Variants in CNBD1 observed in about 807,000 individuals in gnomAD.
CNBD1 encodes cyclic nucleotide-binding domain-containing protein 1.
In CNBD1, 71 loss-of-function variants were observed where a neutral mutation model predicts 54.4. The observed-to-expected ratio is 1.30, with a 90% CI of 1.08 to 1.59. The LOEUF (loss-of-function observed/expected upper bound fraction) is 1.59. CNBD1 is among the 40% of genes most tolerant of loss of function. The pLI, the probability that CNBD1 is intolerant of heterozygous loss-of-function variation, is 0.00. For missense variants in CNBD1, 659 were observed against 518.0 expected, an observed-to-expected ratio of 1.27 and a Z score of -2.64; for synonymous variants, 182 against 170.7, an observed-to-expected ratio of 1.07 and a Z score of -0.51.
intron 4 of CNBD1, among the ~76,000 whole-genome samples, chr8:87,116,546 C>G (rs2130710262): frequency 6.6e-6 from 1 of 152,022 alleles, no homozygotes; most frequent in East Asian, 1.9e-4. Flanking sequence ...TTTAAGTTAC[C>G]AGAGTTATGT....
chr8:87,129,508 T>C (rs986642294), intron 4 of CNBD1, among the ~76,000 whole-genome samples: 6 of 152,214 alleles, frequency 3.9e-5, no homozygotes, highest in Non-Finnish European at 7.3e-5. Flanking sequence ...GAGAGGTTTA[T>C]TTGTTGGTCT....
chr8:87,170,810 A>G (rs1174837625), intron 4 of CNBD1, among the ~76,000 whole-genome samples: 1 of 152,196 alleles, frequency 6.6e-6, no homozygotes, highest in African/African-American at 2.4e-5. Flanking sequence ...ATGATATATT[A>G]CATTGATTTA....
chr8:87,345,266 G>A (rs928834724), intron 8 of CNBD1, among the ~76,000 whole-genome samples: 3 of 152,184 alleles, frequency 2.0e-5, no homozygotes, highest in Non-Finnish European at 2.9e-5. Flanking sequence ...TAGAAAAACT[G>A]AAGGGTTATA....
chr8:87,224,194 C>T (rs1814419763), intron 5 of CNBD1, among the ~76,000 whole-genome samples: 2 of 151,738 alleles, frequency 1.3e-5, no homozygotes, highest in Non-Finnish European at 2.9e-5. Flanking sequence ...TTGTAGGTTG[C>T]CTGTTCACTC....
At chr8:87,068,232 T>A (rs926760490) in intron 4 of CNBD1, among the ~76,000 whole-genome samples, 4 of 152,048 alleles carry the variant, frequency 2.6e-5, no homozygotes, top group African/African-American at 9.6e-5. Flanking sequence ...AAGTGTTTAG[T>A]TAATTTACAA....
In CNBD1 at chr8:86,905,068, T is replaced by C. The variant is rs1383702991; in HGVS notation, c.159-13T>C. On this transcript the variant is annotated splice_polypyrimidine_tract_variant and intron_variant, in intron 2 of 10. Coordinates refer to ENST00000518476, the MANE Select transcript of CNBD1 (RefSeq NM_173538.3). ...TATGACACTTACAATTTAATTTCTC[T>C]CTTCTTTTTAAGCCGGAGTATGAGC... 1.3e-6 allele frequency: 2 copies of C among 1,526,926 alleles called. No individual in the cohort carries two copies. The highest frequency in any genetic ancestry group is 1.8e-6 in the Non-Finnish European group (2 of 1,107,484). The allele number at this position is 1,526,926 out of a possible 1,614,324, so 94.6% of individuals were successfully genotyped here.
chr8:87,366,708 A>T (rs1478231977), intron 10 of CNBD1, among the ~76,000 whole-genome samples: 10 of 152,030 alleles, frequency 6.6e-5, no homozygotes, highest in Non-Finnish European at 7.4e-5. Context: ...AGCAGTGGGT[A>T]AGGAGAGCAT....
In CNBD1 at chr8:87,226,415, C is replaced by T. The variant is rs1166410546; in HGVS notation, c.578-10504C>T. ...TTCCCTCTACACACTGCTTTGAATG[C>T]GTCCCAGAGATTCTGGTATGTTGTG... On this transcript the variant is annotated intron_variant, in intron 5 of 10. Coordinates refer to ENST00000518476, the MANE Select transcript of CNBD1 (RefSeq NM_173538.3). 7.7e-4 allele frequency among the ~76,000 whole-genome samples: 116 copies of T among 149,854 alleles called. 1 individual carries two copies. The South Asian group carries it at 0.021, about 27-fold the overall frequency.
chr8:87,284,383 A>G (rs1808652541), intron 6 of CNBD1, among the ~76,000 whole-genome samples: 1 of 152,144 alleles, frequency 6.6e-6, no homozygotes, highest in Admixed American at 6.6e-5. Flanking sequence ...TCATTCTTTC[A>G]ACTACTATTT....
rs542389082 is a variant in CNBD1, at chr8:87,427,360, G to T, written c.214-1186G>T. Among the ~76,000 whole-genome samples the T allele has an allele frequency of 2.6e-5, 4 of 152,134 alleles. No homozygotes were observed. In the South Asian group the frequency reaches 8.3e-4, roughly 32 times the overall value. On this transcript the variant is annotated intron_variant, in intron 2 of 7. Coordinates refer to the CNBD1 transcript ENST00000521593. ...TATGTATTAGTTTTCAAAATATTAAGTTACACCATGGCTTTTTATGAATAT... is the reference window on the plus strand; with the variant it reads ...TATGTATTAGTTTTCAAAATATTAATTTACACCATGGCTTTTTATGAATAT...
intron 4 of CNBD1, 116 bp from the exon 5 acceptor site, chr8:87,205,877 T>A (rs886343466): frequency 7.1e-6 from 6 of 840,728 alleles, no homozygotes; most frequent in East Asian, 6.5e-5. Context: ...AGTTCTTTTT[T>A]AAAAACCCTT....
rs181994262 is a variant in CNBD1, at chr8:87,242,485, C to T, written c.771+5373C>T. On this transcript the variant is annotated intron_variant, in intron 6 of 10. Transcript: ENST00000518476. The stretch of plus-strand genomic sequence containing the variant: ...TAATTAACCCTTTATATTAATTAAC[C>T]CTCTTCTATTGATTCAGGGTCTTTA... Among the ~76,000 whole-genome samples the T allele has an allele frequency of 1.4e-4, 22 of 152,146 alleles. 1 individual carries two copies. The highest frequency in any genetic ancestry group is 3.1e-4 in the African/African-American group (13 of 41,504).
intron 4 of CNBD1, among the ~76,000 whole-genome samples, chr8:87,066,530 T>C (rs1370665052): frequency 6.6e-6 from 1 of 151,972 alleles, no homozygotes; most frequent in East Asian, 1.9e-4. Context: ...ATTTGGATAT[T>C]CTAAAACTTT....
chr8:87,080,058 A>G (rs1302338559), intron 4 of CNBD1, among the ~76,000 whole-genome samples: 3 of 152,176 alleles, frequency 2.0e-5, no homozygotes, highest in Non-Finnish European at 1.5e-5. Flanking sequence ...ATATTTGTTG[A>G]AAACTATTTT....
In CNBD1 at chr8:86,951,404, C is replaced by T. The variant is rs979118512; in HGVS notation, c.431+11650C>T. 2.6e-5 allele frequency among the ~76,000 whole-genome samples: 4 copies of T among 151,166 alleles called. 1 individual carries two copies. Among genetic ancestry groups the T allele is most frequent in the East Asian group, 3.9e-4 (2 of 5,090 alleles). On this transcript the variant is annotated intron_variant, in intron 4 of 10. Transcript: ENST00000518476. ...AGGAGCTTAAGACCAGCCTGGCCCACGTGGTGAAACTCCATCTCTACTAAA... is the reference window on the plus strand; with the variant it reads ...AGGAGCTTAAGACCAGCCTGGCCCATGTGGTGAAACTCCATCTCTACTAAA...
chr8:87,214,217 A>G (rs1375489399), intron 5 of CNBD1, among the ~76,000 whole-genome samples: 2 of 152,176 alleles, frequency 1.3e-5, no homozygotes, highest in African/African-American at 4.8e-5. Context: ...TTTTCCTTTT[A>G]AAACTGAATG....
intron 2 of CNBD1, among the ~76,000 whole-genome samples, chr8:86,888,876 G>C (rs1225457025): frequency 6.6e-6 from 1 of 151,412 alleles, no homozygotes; most frequent in African/African-American, 2.4e-5. Flanking sequence ...TTTCTCTTTG[G>C]GGGGTCATAA....
intron 4 of CNBD1, among the ~76,000 whole-genome samples, chr8:86,940,359 G>C (rs1017442418): frequency 6.6e-6 from 1 of 152,010 alleles, no homozygotes; most frequent in Non-Finnish European, 1.5e-5. Flanking sequence ...TAGGGACAGG[G>C]TTTCACCATG....
At chr8:87,325,947 G>T (rs1013011769) in intron 8 of CNBD1, among the ~76,000 whole-genome samples, 2 of 112,110 alleles carry the variant, frequency 1.8e-5, no homozygotes, top group Admixed American at 8.7e-5. Context: ...GGTACCGGTT[G>T]TTCCTTTCCA....
Sources: allele counts gnomAD v4.1 joint callset (sites outside exome capture counted in the v4.1 genomes callset), GRCh38; gene constraint gnomAD v4.1.1; transcripts MANE v1.5; gene names NCBI Gene and HGNC (gene_info 2026-07-23, HGNC 2026-07-21).